Variants in FGF14 observed in about 807,000 individuals in gnomAD.
FGF14 encodes the protein fibroblast growth factor homologous factor 4.
In FGF14, 5 loss-of-function variants were observed where a neutral mutation model predicts 25.5. The observed-to-expected ratio is 0.20, with a 90% confidence interval of 0.10 to 0.41. The LOEUF (loss-of-function observed/expected upper bound fraction) is 0.41. Among genes scored for constraint, FGF14 ranks in the 10% least tolerant of loss-of-function variants. The pLI, the probability that FGF14 is intolerant of heterozygous loss-of-function variation, is 1.00. For synonymous variants in FGF14, 138 were observed against 118.3 expected, an observed-to-expected ratio of 1.17 and a Z score of -1.08; for missense variants, 222 against 320.1, an observed-to-expected ratio of 0.69 and a Z score of 2.34.
intron 1 of FGF14, among the ~76,000 whole-genome samples, chr13:102,026,027 T>C (rs2040907330): frequency 6.6e-6 from 1 of 152,038 alleles, no homozygotes; most frequent in South Asian, 2.1e-4. Flanking sequence ...GTCTTATTCC[T>C]TGTTCTAGGG....
At chr13:102,299,417 T>C (rs189115190) in intron 1 of FGF14, among the ~76,000 whole-genome samples, 48 of 152,216 alleles carry the variant, frequency 3.2e-4, no homozygotes, top group Non-Finnish European at 6.0e-4. Flanking sequence ...GATTAAGCCA[T>C]GTGCACATTT....
At chr13:102,233,534 C>G (rs2051182494) in intron 1 of FGF14, among the ~76,000 whole-genome samples, 1 of 152,232 alleles carries the variant, frequency 6.6e-6, no homozygotes, top group East Asian at 1.9e-4. Context: ...AGCTGTACCC[C>G]CAGCACCTAT....
At chr13:102,179,084 T>G (rs887721613) in intron 1 of FGF14, among the ~76,000 whole-genome samples, 2 of 152,118 alleles carry the variant, frequency 1.3e-5, no homozygotes, top group African/African-American at 4.8e-5. Flanking sequence ...GATTCAGTCA[T>G]GCAGCCCATG....
At chr13:102,171,078 C>T (rs1416061472) in intron 1 of FGF14, among the ~76,000 whole-genome samples, 3 of 151,842 alleles carry the variant, frequency 2.0e-5, no homozygotes, top group South Asian at 2.1e-4. Flanking sequence ...CAATTTAAAC[C>T]GTCCTGTAAA....
At chr13:102,139,323 C>A (rs1274529773) in intron 1 of FGF14, among the ~76,000 whole-genome samples, 1 of 151,818 alleles carries the variant, frequency 6.6e-6, no homozygotes. Context: ...TCACTCGAAC[C>A]CAGGAGGCAG....
intron 1 of FGF14, among the ~76,000 whole-genome samples, chr13:101,987,414 T>C (rs2038647379): frequency 6.6e-6 from 1 of 152,100 alleles, no homozygotes. Context: ...TTCCTTTAAG[T>C]CTCTGCTCAA....
At chr13:102,369,499 G>A (rs2057813720) in intron 1 of FGF14, among the ~76,000 whole-genome samples, 1 of 152,282 alleles carries the variant, frequency 6.6e-6, no homozygotes, top group African/African-American at 2.4e-5. Context: ...TCTGTTCGAT[G>A]CTGAGTCATG....
At chr13:102,282,472 C>T (rs1192067915) in intron 1 of FGF14, among the ~76,000 whole-genome samples, 1 of 152,150 alleles carries the variant, frequency 6.6e-6, no homozygotes, top group African/African-American at 2.4e-5. Context: ...ATTTCATTTT[C>T]TTTCCAATGA....
intron 1 of FGF14, among the ~76,000 whole-genome samples, chr13:101,954,315 G>A (rs530434035): frequency 6.6e-6 from 1 of 151,902 alleles, no homozygotes; most frequent in South Asian, 2.1e-4. Context: ...GCACTGGGCG[G>A]GGTGGGGGGG....
chr13:102,226,232 A>T (rs537132807), intron 1 of FGF14, among the ~76,000 whole-genome samples: 2 of 152,270 alleles, frequency 1.3e-5, no homozygotes, highest in South Asian at 4.2e-4. Context: ...TATTGGCTCT[A>T]TGATCCTAAG....
chr13:102,026,437 T>C (rs1404825215), intron 1 of FGF14, among the ~76,000 whole-genome samples: 1 of 151,764 alleles, frequency 6.6e-6, no homozygotes, highest in Non-Finnish European at 1.5e-5. Flanking sequence ...TATTAGAATA[T>C]TAACTTCATT....
At chr13:102,313,607 G>A (rs2055879534) in intron 1 of FGF14, among the ~76,000 whole-genome samples, 1 of 152,112 alleles carries the variant, frequency 6.6e-6, no homozygotes, top group Non-Finnish European at 1.5e-5. Flanking sequence ...CGTTGGGCAG[G>A]GGAGGGGGGT....
intron 1 of FGF14, among the ~76,000 whole-genome samples, chr13:102,078,874 T>C (rs1328482310): frequency 2.0e-5 from 3 of 152,216 alleles, no homozygotes; most frequent in South Asian, 4.1e-4. Context: ...TCTACATTCA[T>C]GGTGTAGAGA....
intron 1 of FGF14, among the ~76,000 whole-genome samples, chr13:102,370,261 G>A (rs1353213192): frequency 6.6e-6 from 1 of 152,076 alleles, no homozygotes; most frequent in Non-Finnish European, 1.5e-5. Flanking sequence ...AAAGTGCTGG[G>A]ATTACAATTG....
At chr13:102,087,200 G>A (rs1033513592) in intron 1 of FGF14, among the ~76,000 whole-genome samples, 15 of 152,036 alleles carry the variant, frequency 9.9e-5, no homozygotes, top group African/African-American at 3.6e-4. Flanking sequence ...TGTGTAATTC[G>A]CAAAATTATA....
intron 1 of FGF14, among the ~76,000 whole-genome samples, chr13:102,325,939 T>G (rs1230051451): frequency 6.6e-6 from 1 of 152,202 alleles, no homozygotes; most frequent in African/African-American, 2.4e-5. Context: ...CCTATAATTT[T>G]TTTCATACTT....
At chr13:102,214,212 C>G in intron 1 of FGF14, among the ~76,000 whole-genome samples, 1 of 152,236 alleles carries the variant, frequency 6.6e-6, no homozygotes, top group East Asian at 1.9e-4. Flanking sequence ...CAGGAAGATC[C>G]TTTCACTCTC....
chr13:102,076,552 A>G (rs2043371655), intron 1 of FGF14, among the ~76,000 whole-genome samples: 1 of 152,192 alleles, frequency 6.6e-6, no homozygotes, highest in Non-Finnish European at 1.5e-5. Flanking sequence ...TGTTTTGGGG[A>G]AAAAATTTAA....
chr13:102,052,439 C>T (rs759533244), intron 1 of FGF14, among the ~76,000 whole-genome samples: 8 of 151,340 alleles, frequency 5.3e-5, no homozygotes, highest in South Asian at 2.1e-4. Flanking sequence ...ATATTGTAAC[C>T]GATTTTTCAA....
Sources: allele counts gnomAD v4.1 joint callset (sites outside exome capture counted in the v4.1 genomes callset), GRCh38; gene constraint gnomAD v4.1.1; transcripts MANE v1.5; gene names NCBI Gene and HGNC (gene_info 2026-07-23, HGNC 2026-07-21).